Variants in TAF1A observed in about 807,000 individuals in gnomAD.
TAF1A encodes TATA box-binding protein-associated factor RNA polymerase I subunit A.
In TAF1A, 42 loss-of-function variants were observed where a neutral mutation model predicts 61.6. The observed-to-expected ratio is 0.68, with a 90% CI of 0.53 to 0.88. The LOEUF is 0.88. Among genes scored for constraint, TAF1A ranks in the 40% least tolerant of loss-of-function variants. The pLI, the probability that TAF1A is intolerant of heterozygous loss-of-function variation, is 0.00. For synonymous variants in TAF1A, 179 were observed against 177.7 expected (o/e 1.01, Z -0.06); for missense variants, 424 against 518.7 (o/e 0.82, Z 1.77).
At chr1:222,570,746 C>T (rs575612512) in intron 5 of TAF1A, 81 bp from the exon 6 acceptor site, 24 of 1,357,122 alleles carry the variant, frequency 1.8e-5, no homozygotes, top group South Asian at 7.0e-5. Context: ...AAACTATCTG[C>T]GAGAAAAACT....
intron 8 of TAF1A, among the ~76,000 whole-genome samples, chr1:222,563,664 A>C (rs1312908166): frequency 6.6e-6 from 1 of 152,224 alleles, no homozygotes; most frequent in East Asian, 1.9e-4. Flanking sequence ...GGGCTTAGCC[A>C]GCTGATTTTC....
At chr1:222,580,860 T>C (rs776996808) in intron 3 of TAF1A, among the ~76,000 whole-genome samples, 8 of 151,526 alleles carry the variant, frequency 5.3e-5, no homozygotes, top group African/African-American at 1.5e-4. Flanking sequence ...CAGTTAAAAA[T>C]AGGTATTCTG....
rs187001814 is a variant in TAF1A, at chr1:222,560,141, C to G, written c.1240+1223G>C. ...GGAAAGAAAGAGAGCCACCATACCC[C>G]ACTCAAAGCACAAAGCAAAGGCAGA... On this transcript the variant is annotated intron_variant, in intron 10 of 10. Transcript: ENST00000352967. Among the ~76,000 whole-genome samples, 766 of 152,198 alleles carry G rather than the reference C, an allele frequency of 5.0e-3. 9 individuals carry two copies. Among genetic ancestry groups the G allele is most frequent in the African/African-American group, 0.018 (728 of 41,524 alleles).
intron 1 of TAF1A, among the ~76,000 whole-genome samples, chr1:222,589,149 GA>G (rs1336498216): frequency 6.6e-6 from 1 of 152,164 alleles, no homozygotes. Context: ...GAGGGGTGCG[GA>G]AGGTGAGAAA....
intron 10 of TAF1A, among the ~76,000 whole-genome samples, chr1:222,560,077 C>T (rs904931829): frequency 6.6e-6 from 1 of 152,082 alleles, no homozygotes; most frequent in African/African-American, 2.4e-5. Context: ...AAAGACCCCT[C>T]CAAGGAGAAA....
At position 222,589,789 on chromosome 1, in the gene TAF1A, G is replaced by C. The variant is rs1199036071; in HGVS notation, c.-65C>G. ...AGTCTCCGACTCCGGCCCACGTGAA[G>C]AAATTCCCACCGGAAGACGAGTTAG... On this transcript the variant is annotated 5_prime_UTR_variant, in exon 1 of 11. Coordinates refer to ENST00000352967, the MANE Select transcript of TAF1A (RefSeq NM_005681.4). The C allele has an allele frequency of 2.9e-6, 1 of 342,086 alleles. No homozygotes were observed. Among genetic ancestry groups the C allele is most frequent in the Non-Finnish European group, 5.3e-6 (1 of 190,302 alleles). 21.2% of individuals were successfully genotyped at this position (342,086 alleles called of 1,614,324 possible). A position where few individuals can be genotyped will look rare whatever the true frequency, so the allele number is the denominator to read the frequency against.
chr1:222,566,395 A>T (rs1347410787), intron 7 of TAF1A, among the ~76,000 whole-genome samples: 4 of 152,164 alleles, frequency 2.6e-5, no homozygotes, highest in African/African-American at 7.2e-5. Context: ...TCGGGATTGC[A>T]TTATTTATGC....
chr1:222,571,127 C>T (rs952334564), intron 5 of TAF1A, among the ~76,000 whole-genome samples: 3 of 151,970 alleles, frequency 2.0e-5, no homozygotes, highest in Non-Finnish European at 4.4e-5. Flanking sequence ...GAATACAGGA[C>T]CAAAACCTCA....
At chr1:222,572,706 AAT>A (rs1313388300) in intron 5 of TAF1A, among the ~76,000 whole-genome samples, 188 of 152,266 alleles carry the variant, frequency 1.2e-3, no homozygotes, top group African/African-American at 4.2e-3. Flanking sequence ...GTGGGAAAAT[AAT>A]AGACTTTTCA....
At chr1:222,587,231 A>T (rs1278558564) in intron 2 of TAF1A, among the ~76,000 whole-genome samples, 1 of 152,230 alleles carries the variant, frequency 6.6e-6, no homozygotes, top group African/African-American at 2.4e-5. Context: ...ATGAGATACT[A>T]TGCTAGGTAC....
rs768404674 is a variant in TAF1A, at chr1:222,588,455, CG to C, written c.108del (p.Tyr36Ter). 1 of 1,613,192 alleles carries C rather than the reference CG, an allele frequency of 6.2e-7. No individual in the cohort carries two copies. On this transcript the variant is annotated frameshift_variant, in exon 2 of 11. Coordinates refer to ENST00000352967, the MANE Select transcript of TAF1A (RefSeq NM_005681.4). LOFTEE classifies it high-confidence loss of function. Reference protein sequence around the residue: ...AGMHFPWLQTYVETVAIGGKR... With the variant: ...AGMHFPWLQTXVETVAIGGKR... Reference sequence around the variant, plus strand: ...TTATTTTACTTACCCACAGTTTCTACGTATGTTTGAAGCCAAGGAAAATGCA... The same window carrying C: ...TTATTTTACTTACCCACAGTTTCTACTATGTTTGAAGCCAAGGAAAATGCA...
At chr1:222,566,687 C>T (rs1204599190) in intron 7 of TAF1A, among the ~76,000 whole-genome samples, 2 of 152,156 alleles carry the variant, frequency 1.3e-5, no homozygotes, top group African/African-American at 4.8e-5. Flanking sequence ...AGGTAATGCT[C>T]ACTTGCCTGA....
chr1:222,582,147 T>C (rs1660812791), intron 3 of TAF1A, among the ~76,000 whole-genome samples: 2 of 152,262 alleles, frequency 1.3e-5, no homozygotes, highest in Admixed American at 1.3e-4. Context: ...TGAAGCATTC[T>C]GGTTTTCACA....
At position 222,577,642 on chromosome 1, in the gene TAF1A, A is replaced by T; in HGVS notation, c.407T>A (p.Ile136Asn). ...AAGGTATAATGCATGTTGTAAGGAGATCTGCAAAAATAATAAGGGTACACC... is the reference window on the plus strand; with the variant it reads ...AAGGTATAATGCATGTTGTAAGGAGTTCTGCAAAAATAATAAGGGTACACC... ...KNIGVMNYLK[I>N]SLQHALYLLH... The change falls in exon 5 of 11, where the codon ATC (isoleucine) becomes AAC (asparagine). Residue 136 changes from isoleucine (I) to asparagine (N), a missense_variant and splice_region_variant. Coordinates refer to ENST00000352967, the MANE Select transcript of TAF1A (RefSeq NM_005681.4). The T allele has an allele frequency of 6.2e-7, 1 of 1,613,466 alleles. No individual in the cohort carries two copies. The highest frequency in any genetic ancestry group is 8.5e-7 in the Non-Finnish European group (1 of 1,179,622).
chr1:222,588,807 T>G (rs1448188214), intron 1 of TAF1A, among the ~76,000 whole-genome samples: 1 of 152,220 alleles, frequency 6.6e-6, no homozygotes, highest in Non-Finnish European at 1.5e-5. Flanking sequence ...AATAAGATAC[T>G]GCCCCTCTAA....
chr1:222,589,898 C>G lies in TAF1A; in HGVS notation c.-174G>C. 1 of 396,892 alleles carries G rather than the reference C, an allele frequency of 2.5e-6. No individual in the cohort carries two copies. The highest frequency in any genetic ancestry group is 4.4e-6 in the Non-Finnish European group (1 of 225,546). 24.6% of individuals were successfully genotyped at this position (396,892 alleles called of 1,614,324 possible). ...CGGCTCGTAACTCCTCCTGCTGCAG[C>G]AGGCGTATCGTTGGCCTCGCCTCGA... is the stretch of plus-strand genomic sequence containing the variant. On this transcript the variant is annotated 5_prime_UTR_variant, in exon 1 of 11. Coordinates refer to ENST00000352967, the MANE Select transcript of TAF1A (RefSeq NM_005681.4).
At chr1:222,584,376 A>C (rs896335206) in intron 2 of TAF1A, 79 bp from the exon 3 acceptor site, 3 of 1,375,606 alleles carry the variant, frequency 2.2e-6, no homozygotes, top group Non-Finnish European at 2.9e-6. Flanking sequence ...TCTGATAAGA[A>C]GTTTTAACAA....
At chr1:222,583,230 C>T (rs1469909169) in intron 3 of TAF1A, among the ~76,000 whole-genome samples, 1 of 151,968 alleles carries the variant, frequency 6.6e-6, no homozygotes, top group African/African-American at 2.4e-5. Context: ...TTAGTGGCTG[C>T]CAGTGTCCGG....
downstream of TAF1A, among the ~76,000 whole-genome samples, chr1:222,555,284 G>C (rs1659713160): frequency 1.3e-5 from 2 of 152,290 alleles, no homozygotes; most frequent in South Asian, 4.1e-4. Context: ...AATCAAGGTT[G>C]CAAAGAGATA....
Sources: gnomAD v4.1 joint callset for allele counts (sites outside exome capture counted in the v4.1 genomes callset) on GRCh38, gnomAD v4.1.1 for gene constraint, MANE v1.5 for transcripts, NCBI Gene and HGNC (gene_info 2026-07-23, HGNC 2026-07-21) for gene names.